ATL1: variants seen among roughly 807,000 people sequenced by gnomAD.
ATL1 encodes atlastin-1.
A neutral mutation model predicts 75.5 loss-of-function variants in ATL1; 31 were observed. That is an observed-to-expected ratio of 0.41 (90% CI 0.31 to 0.55). The LOEUF is 0.55. ATL1 is among the 20% of genes least tolerant of loss of function. The pLI is 0.27. For synonymous variants in ATL1, 226 were observed against 233.3 expected, an observed-to-expected ratio of 0.97 and a Z score of 0.28; for missense variants, 405 against 662.6, an observed-to-expected ratio of 0.61 and a Z score of 4.27.
chr14:50,628,653 T>TG, intron 12 of ATL1, 191 bp downstream of exon 12: 1 of 719,132 alleles, frequency 1.4e-6, no homozygotes, highest in Non-Finnish European at 2.6e-6. Context: ...CCTACACAAC[T>TG]ATTTTCCAGT....
At chr14:50,591,760 C>T in intron 4 of ATL1, 121 bp downstream of exon 4, 2 of 733,092 alleles carry the variant, frequency 2.7e-6, no homozygotes, top group East Asian at 2.7e-5. Context: ...TATTGTTTGA[C>T]TCAATTAGCA....
intron 8 of ATL1, 78 bp downstream of exon 8, chr14:50,614,589 CTGATAGTTTAGTTTA>C: frequency 6.7e-7 from 1 of 1,485,870 alleles, no homozygotes; most frequent in African/African-American, 1.4e-5. Flanking sequence ...GGGCTTATGG[CTGATAGTTTAGTTTA>C]TCCACTGATA....
Position 50,565,484 on chromosome 14 carries a change from C to CA in ATL1, c.34+5198dup, listed in dbSNP as rs56404646. ...TGGGTGGCAGAATGAGACTTCATCT[C>CA]AAAAAAAAAAAAATTCTACTGGGTC... On this transcript the variant is annotated intron_variant, in intron 1 of 13. Transcript: ENST00000358385. Among the ~76,000 whole-genome samples, 603 of 145,154 alleles carry CA rather than the reference C, an allele frequency of 4.2e-3. 8 individuals are homozygous for CA. The highest frequency in any genetic ancestry group is 0.041 in the East Asian group (203 of 5,002).
Position 50,587,981 on chromosome 14 carries a change from T to C in ATL1, c.185T>C (p.Val62Ala), listed in dbSNP as rs2039118968. The C allele has an allele frequency of 6.2e-7, 1 of 1,614,068 alleles. No homozygotes were observed. Among genetic ancestry groups the C allele is most frequent in the Non-Finnish European group, 8.5e-7 (1 of 1,180,046 alleles). ...ALNRILLSEAVRDKEVVAVSV... is the reference protein window; with the variant it reads ...ALNRILLSEAARDKEVVAVSV... ...AATCGGATCCTTCTCTCGGAGGCTG[T>C]CAGAGACAAGGAGGTTGTTGCTGTA... Residue 62 changes from valine (V) to alanine (A), a missense_variant, in exon 2 of 14, where the codon GTC (valine) becomes GCC (alanine). Val to Ala is a moderately conservative substitution (Grantham distance 64). This residue lies in a region of ATL1 where 126 missense variants were observed against 172.0 expected (regional missense o/e 0.73). Transcript: ENST00000358385.
Position 50,560,191 on chromosome 14 carries a change from G to A in ATL1, c.-75G>A. 1.3e-6 allele frequency: 2 copies of A among 1,585,656 alleles called. No individual in the cohort carries two copies. Among genetic ancestry groups the A allele is most frequent in the South Asian group, 1.1e-5 (1 of 88,468 alleles). On this transcript the variant is annotated 5_prime_UTR_variant, in exon 1 of 14. Transcript: ENST00000358385. ...CAGCGCGGGCACGGAGCCTCCCACC[G>A]CCAGCAACCTGCGGCCCCGGAGAAG...
intron 1 of ATL1, among the ~76,000 whole-genome samples, chr14:50,563,337 T>A (rs1303194074): frequency 6.6e-6 from 1 of 152,234 alleles, no homozygotes; most frequent in Non-Finnish European, 1.5e-5. Flanking sequence ...TATTGTGGAA[T>A]GTTTTCATGG....
At chr14:50,628,584 T>C (rs775585006) in intron 12 of ATL1, 122 bp downstream of exon 12, 26 of 961,530 alleles carry the variant, frequency 2.7e-5, no homozygotes, top group Non-Finnish European at 4.3e-5. Flanking sequence ...TCATCAAGAA[T>C]GTTATGACCT....
In ATL1 at chr14:50,632,549, T is replaced by C; in HGVS notation, c.*210T>C. The stretch of plus-strand genomic sequence containing the variant: ...TATACTATTTTGTTAACATGTACAA[T>C]TTCCTGATTTTTCTTCAAAAATGCT... On this transcript the variant is annotated 3_prime_UTR_variant, in exon 14 of 14. Transcript: ENST00000358385. The C allele has an allele frequency of 2.3e-6, 1 of 428,424 alleles. No homozygotes were observed. The highest frequency in any genetic ancestry group is 4.4e-6 in the Non-Finnish European group (1 of 229,794). The allele number at this position is 428,424 out of a possible 1,614,324, so 26.5% of individuals were successfully genotyped here. A position where few individuals can be genotyped will look rare whatever the true frequency, so the allele number is the denominator to read the frequency against.
chr14:50,540,188 G>A (rs1352161357), intron 1 of ATL1, among the ~76,000 whole-genome samples: 1 of 152,194 alleles, frequency 6.6e-6, no homozygotes, highest in Non-Finnish European at 1.5e-5. Context: ...ATAACCTTCA[G>A]GAAGAAGTGA....
At chr14:50,629,217 G>C (rs2039553472) in intron 12 of ATL1, among the ~76,000 whole-genome samples, 1 of 152,112 alleles carries the variant, frequency 6.6e-6, no homozygotes, top group Non-Finnish European at 1.5e-5. Flanking sequence ...TCCAAAAGCA[G>C]TATCAGATTA....
chr14:50,608,705 A>G (rs1323607395), intron 6 of ATL1, among the ~76,000 whole-genome samples: 1 of 152,092 alleles, frequency 6.6e-6, no homozygotes, highest in Non-Finnish European at 1.5e-5. Context: ...AGCTCCCAAG[A>G]AAAATGCAAA....
intron 1 of ATL1, among the ~76,000 whole-genome samples, chr14:50,548,493 G>A (rs548645044): frequency 7.2e-4 from 109 of 152,266 alleles, no homozygotes; most frequent in African/African-American, 2.6e-3. Context: ...AATGGTAACT[G>A]TAGGGTTTTG....
intron 6 of ATL1, among the ~76,000 whole-genome samples, chr14:50,599,775 G>A (rs1284201739): frequency 6.6e-6 from 1 of 152,072 alleles, no homozygotes; most frequent in African/African-American, 2.4e-5. Flanking sequence ...GAATGTGGGT[G>A]GGAATGAATA....
chr14:50,577,141 C>T (rs2039013421), intron 1 of ATL1, among the ~76,000 whole-genome samples: 1 of 152,144 alleles, frequency 6.6e-6, no homozygotes, highest in South Asian at 2.1e-4. Flanking sequence ...CAGCTCTCTG[C>T]AACCTCCACC....
chr14:50,595,715 C>T, intron 6 of ATL1, 83 bp downstream of exon 6: 2 of 1,293,010 alleles, frequency 1.5e-6, no homozygotes, highest in Non-Finnish European at 2.2e-6. Flanking sequence ...GGTCATGTTT[C>T]CTTCTCTTTT....
intron 1 of ATL1, among the ~76,000 whole-genome samples, chr14:50,542,217 T>C (rs1254116264): frequency 7.4e-6 from 1 of 134,514 alleles, no homozygotes; most frequent in Non-Finnish European, 1.5e-5. Flanking sequence ...CACTCATAAG[T>C]GAGAGTTGAA....
In ATL1 at chr14:50,587,757, G is replaced by C. The variant is rs77224287; in HGVS notation, c.35-74G>C. The stretch of plus-strand genomic sequence containing the variant: ...GTATGCTCCTGTGTCGGATGTTTGA[G>C]AGTTAAGAGGTACATATACATTTCT... On this transcript the variant is annotated intron_variant, in intron 1 of 13. Coordinates refer to ENST00000358385, the MANE Select transcript of ATL1 (RefSeq NM_015915.5). 0.043 allele frequency: 68,929 copies of C among 1,591,626 alleles called. 1,757 individuals carry two copies. Among genetic ancestry groups the C allele is most frequent in the Middle Eastern group, 0.06 (354 of 5,898 alleles).
chr14:50,537,590 A>G (rs2038511041), intron 1 of ATL1, among the ~76,000 whole-genome samples: 1 of 152,238 alleles, frequency 6.6e-6, no homozygotes, highest in African/African-American at 2.4e-5. Flanking sequence ...TTCCCATGAA[A>G]GCAGCCAGAG....
chr14:50,577,767 G>T (rs1484548262), intron 1 of ATL1, among the ~76,000 whole-genome samples: 1 of 152,002 alleles, frequency 6.6e-6, no homozygotes, highest in Non-Finnish European at 1.5e-5. Flanking sequence ...ACAATATGTG[G>T]TCCTTAGTAC....
Sources: allele counts gnomAD v4.1 joint callset (sites outside exome capture counted in the v4.1 genomes callset), GRCh38; gene constraint gnomAD v4.1.1; regional missense constraint gnomAD v4.1.1; transcripts MANE v1.5; gene names NCBI Gene and HGNC (gene_info 2026-07-23, HGNC 2026-07-21).